DGKB: variants seen among roughly 807,000 people sequenced by gnomAD.
The protein encoded by DGKB is 90 kDa diacylglycerol kinase.
In DGKB, 67 loss-of-function variants were observed where a neutral mutation model predicts 114.3. The observed-to-expected ratio is 0.59, with a 90% CI of 0.48 to 0.72. The LOEUF is 0.72. Ranked by LOEUF, DGKB falls within the 30% of genes least tolerant of loss-of-function variation. DGKB has a pLI of 0.00. For synonymous variants in DGKB, 398 were observed against 323.1 expected (o/e 1.23, Z -2.49); for missense variants, 907 against 975.2 (o/e 0.93, Z 0.93).
chr7:14,734,033 G>GT (rs1831327693), intron 5 of DGKB, among the ~76,000 whole-genome samples: 1 of 151,762 alleles, frequency 6.6e-6, no homozygotes, highest in Non-Finnish European at 1.5e-5. Flanking sequence ...GTGTGTGTGT[G>GT]TGTGTGTGTG....
chr7:14,519,867 T>A (rs984130163), intron 20 of DGKB, among the ~76,000 whole-genome samples: 1 of 151,980 alleles, frequency 6.6e-6, no homozygotes, highest in African/African-American at 2.4e-5. Flanking sequence ...GAAATGTCTG[T>A]TTAAGTAATT....
At chr7:14,324,563 C>T (rs1254279721) in intron 23 of DGKB, among the ~76,000 whole-genome samples, 1 of 151,700 alleles carries the variant, frequency 6.6e-6, no homozygotes, top group Admixed American at 6.6e-5. Context: ...ATATAATTAC[C>T]TAGGATTGTC....
chr7:14,333,094 A>G (rs1810012941), intron 23 of DGKB, among the ~76,000 whole-genome samples: 1 of 152,164 alleles, frequency 6.6e-6, no homozygotes, highest in Non-Finnish European at 1.5e-5. Flanking sequence ...CAGTAAGTAA[A>G]AGAGAAAATT....
chr7:14,470,053 T>C (rs1053702230), intron 21 of DGKB, among the ~76,000 whole-genome samples: 1 of 151,908 alleles, frequency 6.6e-6, no homozygotes, highest in Non-Finnish European at 1.5e-5. Context: ...AAAAATTTCA[T>C]TTAAATGATA....
At chr7:14,778,074 A>C (rs897651373) in intron 2 of DGKB, among the ~76,000 whole-genome samples, 1 of 152,194 alleles carries the variant, frequency 6.6e-6, no homozygotes, top group Non-Finnish European at 1.5e-5. Flanking sequence ...AGTATTAGTA[A>C]ATTTTCTGAC....
chr7:14,564,317 A>C (rs977104514), intron 20 of DGKB, among the ~76,000 whole-genome samples: 1 of 152,136 alleles, frequency 6.6e-6, no homozygotes, highest in Non-Finnish European at 1.5e-5. Context: ...TCCTTCCTCT[A>C]AGTAAAGCTG....
chr7:14,497,028 CT>C (rs1785399945), intron 20 of DGKB, among the ~76,000 whole-genome samples: 1 of 151,716 alleles, frequency 6.6e-6, no homozygotes, highest in African/African-American at 2.4e-5. Context: ...GAAATAATGT[CT>C]TTTGCAGCAA....
rs544342635 is a variant in DGKB at position 14,273,003 on chromosome 7, A to G, written c.2122+65512T>C. On this transcript the variant is annotated intron_variant, in intron 23 of 25. Coordinates refer to ENST00000402815, the MANE Select transcript of DGKB (RefSeq NM_001350709.2). Reference sequence around the variant, plus strand: ...ATACCCGGACCAGGAAATGAAGACAATGTGACCAAATGTGTTTGTTACACT... The same window carrying G: ...ATACCCGGACCAGGAAATGAAGACAGTGTGACCAAATGTGTTTGTTACACT... Among the ~76,000 whole-genome samples, 126 of 152,310 alleles carry G rather than the reference A, an allele frequency of 8.3e-4. No individual in the cohort carries two copies. The South Asian group carries it at 0.026, about 31-fold the overall frequency.
intron 20 of DGKB, among the ~76,000 whole-genome samples, chr7:14,529,208 G>A (rs10264411): frequency 0.047 from 7,078 of 151,978 alleles, 577 homozygotes; most frequent in African/African-American, 0.16. Flanking sequence ...TTTCCCCTAA[G>A]AATTCATTTG....
intron 1 of DGKB, among the ~76,000 whole-genome samples, chr7:14,873,639 C>T (rs1350633843): frequency 6.6e-6 from 1 of 151,846 alleles, no homozygotes; most frequent in African/African-American, 2.4e-5. Flanking sequence ...TAGAAGTTTA[C>T]ATATACTATA....
chr7:14,311,162 T>A (rs1805331977), intron 23 of DGKB, among the ~76,000 whole-genome samples: 1 of 151,992 alleles, frequency 6.6e-6, no homozygotes, highest in African/African-American at 2.4e-5. Context: ...ATACTGAAAT[T>A]CATCCTTTGA....
At chr7:14,970,652 G>T (rs957465199) in intron 1 of DGKB, among the ~76,000 whole-genome samples, 3 of 152,028 alleles carry the variant, frequency 2.0e-5, no homozygotes, top group Admixed American at 6.6e-5. Context: ...GGGTAAAATT[G>T]CCCTCTTGTT....
chr7:14,796,852 T>G (rs185519706), intron 2 of DGKB, among the ~76,000 whole-genome samples: 18 of 152,300 alleles, frequency 1.2e-4, no homozygotes, highest in African/African-American at 4.1e-4. Context: ...TGCAAGAATT[T>G]TGATAGGAAA....
chr7:14,733,339 T>A (rs1283483254), intron 5 of DGKB, among the ~76,000 whole-genome samples: 1 of 152,184 alleles, frequency 6.6e-6, no homozygotes, highest in Non-Finnish European at 1.5e-5. Flanking sequence ...ACACTTGCTT[T>A]AAAAAAGCTT....
intron 23 of DGKB, among the ~76,000 whole-genome samples, chr7:14,249,152 A>G (rs1219240964): frequency 1.3e-5 from 2 of 152,090 alleles, no homozygotes; most frequent in Non-Finnish European, 2.9e-5. Context: ...ACACTTATTG[A>G]TTTGTGTATG....
intron 17 of DGKB, among the ~76,000 whole-genome samples, chr7:14,607,185 A>G (rs1804676327): frequency 9.0e-6 from 1 of 110,798 alleles, no homozygotes; most frequent in South Asian, 2.8e-4. Context: ...TGTGTGTGAG[A>G]TTAATATCAT....
intron 13 of DGKB, among the ~76,000 whole-genome samples, chr7:14,639,510 C>A (rs1039334913): frequency 6.6e-6 from 1 of 152,130 alleles, no homozygotes; most frequent in Non-Finnish European, 1.5e-5. Flanking sequence ...AGCTTGCAGC[C>A]GTCCCTAAGA....
intron 21 of DGKB, among the ~76,000 whole-genome samples, chr7:14,365,229 G>A (rs2128638071): frequency 6.6e-6 from 1 of 152,108 alleles, no homozygotes; most frequent in Non-Finnish European, 1.5e-5. Context: ...GGGCAGAAAA[G>A]TTTTGCAGAA....
rs74674402 is a variant in DGKB at position 14,231,912 on chromosome 7, T to G, written c.2123-53761A>C. Among the ~76,000 whole-genome samples the G allele has an allele frequency of 8.4e-3, 1,285 of 152,110 alleles. 52 individuals are homozygous for G. Among genetic ancestry groups the G allele is most frequent in the Admixed American group, 0.059 (897 of 15,256 alleles). Reference sequence around the variant, plus strand: ...TCAAATATCCCAAAGTAATCAAGTCTTCTATGTAATGTTTAACTTAGCTAA... The same window carrying G: ...TCAAATATCCCAAAGTAATCAAGTCGTCTATGTAATGTTTAACTTAGCTAA... On this transcript the variant is annotated intron_variant, in intron 23 of 25. Transcript: ENST00000402815.
Sources: allele counts gnomAD v4.1 joint callset (sites outside exome capture counted in the v4.1 genomes callset), GRCh38; gene constraint gnomAD v4.1.1; transcripts MANE v1.5; gene names NCBI Gene and HGNC (gene_info 2026-07-23, HGNC 2026-07-21).